AKAP9: variants seen among roughly 807,000 people sequenced by gnomAD.
The protein encoded by AKAP9 is A-kinase anchoring protein 9.
A neutral mutation model predicts 488.5 loss-of-function variants in AKAP9; 311 were observed. The observed-to-expected ratio is 0.64, with a 90% CI of 0.58 to 0.70. AKAP9 has a LOEUF of 0.70. AKAP9 is among the 30% of genes least tolerant of loss of function. The probability of loss-of-function intolerance (pLI) is 0.00; values close to 1 mark genes in which losing one functional copy is unlikely to be tolerated. For missense variants in AKAP9, 4,215 were observed against 4,374.5 expected (o/e 0.96, Z 1.03); for synonymous variants, 1,462 against 1,483.5 (o/e 0.99, Z 0.33).
chr7:92,107,475 A>G (rs1818695208), intron 48 of AKAP9, 53 bp downstream of exon 48: 2 of 1,564,766 alleles, frequency 1.3e-6, no homozygotes, highest in African/African-American at 1.3e-5. Context: ...AATATTTAAC[A>G]GAGATAAATG....
Position 92,012,490 on chromosome 7 carries a change from A to C in AKAP9, c.3380A>C (p.His1127Pro). 6.2e-7 allele frequency: 1 copy of C among 1,614,076 alleles called. No individual in the cohort carries two copies. Among genetic ancestry groups the C allele is most frequent in the Non-Finnish European group, 8.5e-7 (1 of 1,179,970 alleles). ...RICLSLVYST[H>P]VDQVREYMEN... ...TGCCTCTCTCTGGTTTATTCAACTC[A>C]TGTGGATCAGGTTCGTGAATATATG... is the stretch of plus-strand genomic sequence containing the variant. The change falls in exon 9 of 50, where the codon CAT (histidine) becomes CCT (proline). Residue 1127 changes from histidine to proline, a missense_variant. By Grantham distance (77) the His-to-Pro change is moderately conservative. Transcript: ENST00000356239.
chr7:92,079,435 G>C lies in AKAP9; in HGVS notation c.7302G>C (p.Lys2434Asn). Residue 2434 changes from lysine (K) to asparagine (N), a missense_variant, in exon 31 of 50, where the codon AAG (lysine) becomes AAC (asparagine). Around this residue, in one of 5 missense-constraint regions of AKAP9, gnomAD observed 1,476 missense variants for 1,477.4 expected, o/e 1.00. Coordinates refer to ENST00000356239, the MANE Select transcript of AKAP9 (RefSeq NM_005751.5). ...TAACACAGGAATTATTCAGCTTAAA[G>C]AGAGAACGTGAAAGTGTGGAAAAGA... is the stretch of plus-strand genomic sequence containing the variant. ...NQLTQELFSLKRERESVEKIQ... is the reference protein window; with the variant it reads ...NQLTQELFSLNRERESVEKIQ... 2 of 1,614,094 alleles carry C rather than the reference G, an allele frequency of 1.2e-6. No homozygotes were observed. The highest frequency in any genetic ancestry group is 1.7e-6 in the Non-Finnish European group (2 of 1,179,988).
chr7:92,045,161 G>C lies in AKAP9; in HGVS notation c.5316G>C (p.Arg1772Ser), dbSNP rs1563041706. 6.2e-7 allele frequency: 1 copy of C among 1,613,718 alleles called. No individual in the cohort carries two copies. The highest frequency in any genetic ancestry group is 8.5e-7 in the Non-Finnish European group (1 of 1,179,950). ...KSQSSASLIW[R>S]SEAEASVKSC... ...AGTCATCTGCCAGCCTAATTTGGAG[G>C]TCAGAAGCAGAGGCATCTGTAAAGT... is the stretch of plus-strand genomic sequence containing the variant. Residue 1772 changes from arginine (R) to serine (S), a missense_variant, in exon 21 of 50, where the codon AGG (arginine) becomes AGC (serine). By Grantham distance (110) the Arg-to-Ser change is moderately radical (BLOSUM62 -1). Coordinates refer to ENST00000356239, the MANE Select transcript of AKAP9 (RefSeq NM_005751.5).
At chr7:91,952,046 T>C (rs1283592574) in intron 1 of AKAP9, among the ~76,000 whole-genome samples, 1 of 152,182 alleles carries the variant, frequency 6.6e-6, no homozygotes, top group Non-Finnish European at 1.5e-5. Context: ...ACTGGGTTCA[T>C]CTTAAAACAC....
chr7:92,092,375 T>G (rs4729020), intron 38 of AKAP9: 2 of 152,212 alleles, frequency 1.3e-5, no homozygotes, highest in Admixed American at 6.5e-5. Flanking sequence ...GAACAAAAGA[T>G]ATCAGCAGTG....
chr7:91,966,188 T>C (rs1226016797), intron 1 of AKAP9, among the ~76,000 whole-genome samples: 1 of 152,150 alleles, frequency 6.6e-6, no homozygotes, highest in Admixed American at 6.5e-5. Context: ...CACCACACTC[T>C]TCTGAAACTT....
chr7:92,010,845 G>A (rs1261581909), intron 8 of AKAP9, among the ~76,000 whole-genome samples: 1 of 151,796 alleles, frequency 6.6e-6, no homozygotes, highest in African/African-American at 2.4e-5. Context: ...TTTAGAGATG[G>A]GGTCTTTCTG....
chr7:91,968,233 C>T (rs376969361), intron 1 of AKAP9, among the ~76,000 whole-genome samples: 42 of 152,266 alleles, frequency 2.8e-4, no homozygotes, highest in African/African-American at 9.6e-4. Context: ...TGTGAGCCAC[C>T]GCTCCCAGCT....
rs775448356 is a variant in AKAP9, at chr7:92,045,052, T to C, written c.5207T>C (p.Leu1736Ser). 2 of 1,613,752 alleles carry C rather than the reference T, an allele frequency of 1.2e-6. No homozygotes were observed. The highest frequency in any genetic ancestry group is 1.7e-6 in the Non-Finnish European group (2 of 1,179,806). The change falls in exon 21 of 50, where the codon TTA (leucine) becomes TCA (serine). Residue 1736 changes from leucine (L) to serine (S), a missense_variant. By Grantham distance (145) the Leu-to-Ser change is moderately radical. Coordinates refer to ENST00000356239, the MANE Select transcript of AKAP9 (RefSeq NM_005751.5). Reference sequence around the variant, plus strand: ...AATAATAGACTTTTGAAGATCCTCTTAGAAGTTGTAAAGACAACAGCAGCT... The same window carrying C: ...AATAATAGACTTTTGAAGATCCTCTCAGAAGTTGTAAAGACAACAGCAGCT... ...KANNRLLKIL[L>S]EVVKTTAAVE... is the part of the protein sequence containing the mutation.
intron 11 of AKAP9, among the ~76,000 whole-genome samples, 176 bp downstream of exon 11, chr7:92,016,443 T>C (rs1801517353): frequency 6.6e-6 from 1 of 152,086 alleles, no homozygotes; most frequent in Non-Finnish European, 1.5e-5. Flanking sequence ...TAAATTTTTA[T>C]AATGCGATAA....
At chr7:91,983,272 G>A (rs1306873547) in intron 3 of AKAP9, among the ~76,000 whole-genome samples, 1 of 151,968 alleles carries the variant, frequency 6.6e-6, no homozygotes, top group East Asian at 1.9e-4. Flanking sequence ...TCACTGTTCA[G>A]TTCCCACCTA....
In AKAP9 at chr7:91,992,678, A is replaced by AC. The variant is rs34617770; in HGVS notation, c.406-207_406-206insC. ...GACTCTGTCAAAAAAAAAAAAAAAA[A>AC]AAAAAAACTCAATTGTAACAGAATT... On this transcript the variant is annotated intron_variant, in intron 4 of 49. Coordinates refer to ENST00000356239, the MANE Select transcript of AKAP9 (RefSeq NM_005751.5). Among the ~76,000 whole-genome samples, 54,347 of 143,560 alleles carry AC rather than the reference A, an allele frequency of 0.38. 10,899 individuals are homozygous for AC. The highest frequency in any genetic ancestry group is 0.43 in the African/African-American group (16,466 of 38,528). The allele number at this position is 143,560 out of a possible 152,430, so 94.2% of individuals were successfully genotyped here.
chr7:92,002,579 G>C lies in AKAP9; in HGVS notation c.2662G>C (p.Glu888Gln). Reference sequence around the variant, plus strand: ...AGACAGTAAAAATAAACAGGAATTAGAGTATAAAAGTAAACTTAAAGCACT... The same window carrying C: ...AGACAGTAAAAATAAACAGGAATTACAGTATAAAAGTAAACTTAAAGCACT... ...LEDSKNKQEL[E>Q]YKSKLKALNE... The change falls in exon 8 of 50, where the codon GAG becomes CAG. Residue 888 changes from glutamate to glutamine, a missense_variant. Glu to Gln is a conservative substitution (Grantham distance 29). Transcript: ENST00000356239. 1.9e-6 allele frequency: 3 copies of C among 1,609,610 alleles called. No homozygotes were observed. The highest frequency in any genetic ancestry group is 2.5e-6 in the Non-Finnish European group (3 of 1,178,218).
At chr7:92,047,794 A>T (rs991740858) in intron 21 of AKAP9, among the ~76,000 whole-genome samples, 24 of 152,248 alleles carry the variant, frequency 1.6e-4, no homozygotes, top group Non-Finnish European at 2.9e-4. Context: ...ATCCACAGTT[A>T]AGAAATATAG....
At chr7:92,010,202 A>G (rs189927743) in intron 8 of AKAP9, among the ~76,000 whole-genome samples, 5 of 152,316 alleles carry the variant, frequency 3.3e-5, no homozygotes, top group Admixed American at 1.3e-4. Context: ...AGGTTTGCAT[A>G]GCTTCAGTGA....
chr7:91,975,230 C>T (rs1795508039), intron 2 of AKAP9, among the ~76,000 whole-genome samples: 1 of 152,024 alleles, frequency 6.6e-6, no homozygotes, highest in South Asian at 2.1e-4. Context: ...TCTCGAATTC[C>T]AAGACTTAAG....
intron 1 of AKAP9, among the ~76,000 whole-genome samples, chr7:91,968,053 T>C (rs1183042075): frequency 6.6e-6 from 1 of 152,186 alleles, no homozygotes; most frequent in Admixed American, 6.5e-5. Flanking sequence ...TCTTCCCATG[T>C]CAGCCTCCCA....
At chr7:92,082,752 C>T in intron 32 of AKAP9, 90 bp downstream of exon 32, 1 of 1,395,576 alleles carries the variant, frequency 7.2e-7, no homozygotes, top group Non-Finnish European at 1.0e-6. Context: ...CAAATGAGCT[C>T]CATAACTTAA....
At chr7:91,979,408 C>G (rs1283737354) in intron 2 of AKAP9, among the ~76,000 whole-genome samples, 4 of 152,074 alleles carry the variant, frequency 2.6e-5, no homozygotes. Context: ...GGGGAAACTG[C>G]TCTCATGATT....
Sources: allele counts gnomAD v4.1 joint callset (sites outside exome capture counted in the v4.1 genomes callset), GRCh38; gene constraint gnomAD v4.1.1; regional missense constraint gnomAD v4.1.1; transcripts MANE v1.5; gene names NCBI Gene and HGNC (gene_info 2026-07-23, HGNC 2026-07-21).